The following GRID2 variants were observed in gnomAD, a reference collection of about 807,000 sequenced individuals.
GRID2 encodes the protein glutamate receptor ionotropic, delta-2.
GRID2 carries 33 observed loss-of-function variants against 114.8 expected under a neutral mutation model. The observed-to-expected ratio is 0.29, with a 90% CI of 0.22 to 0.38. The LOEUF (loss-of-function observed/expected upper bound fraction) is 0.38, where lower values mean the gene tolerates loss of function less well. GRID2 is among the 10% of genes least tolerant of loss of function. The pLI is 1.00. For missense variants in GRID2, 1,184 were observed against 1,257.7 expected, an observed-to-expected ratio of 0.94 and a Z score of 0.89; for synonymous variants, 505 against 449.9, an observed-to-expected ratio of 1.12 and a Z score of -1.55.
intron 8 of GRID2, among the ~76,000 whole-genome samples, chr4:93,255,890 A>G (rs1411045125): frequency 6.6e-6 from 1 of 152,076 alleles, no homozygotes; most frequent in Admixed American, 6.6e-5. Flanking sequence ...ACTAAGACAC[A>G]CTGTAAGTAC....
rs549856970 is a variant in GRID2, at chr4:92,483,867, G to C, written c.89-106264G>C. Among the ~76,000 whole-genome samples the C allele has an allele frequency of 8.5e-5, 13 of 152,294 alleles. No homozygotes were observed. The South Asian group carries it at 2.7e-3, about 32-fold the overall frequency. On this transcript the variant is annotated intron_variant, in intron 1 of 15. Coordinates refer to ENST00000282020, the MANE Select transcript of GRID2 (RefSeq NM_001510.4). ...CCTGTTGGTGTTTCCTGCCACACCT[G>C]ACAGTGTGGCAAATTAGCTTATACA... is the stretch of plus-strand genomic sequence containing the variant.
At chr4:92,509,974 AG>A (rs1419927149) in intron 1 of GRID2, among the ~76,000 whole-genome samples, 1 of 151,888 alleles carries the variant, frequency 6.6e-6, no homozygotes, top group East Asian at 2.0e-4. Context: ...AGACAACTAG[AG>A]TTTTTCAGCA....
intron 4 of GRID2, among the ~76,000 whole-genome samples, chr4:93,187,934 C>A (rs897704714): frequency 5.3e-5 from 8 of 152,208 alleles, no homozygotes; most frequent in African/African-American, 9.6e-5. Flanking sequence ...CATCGGGCCC[C>A]CAAGTTTCCA....
intron 2 of GRID2, among the ~76,000 whole-genome samples, chr4:92,704,231 T>C (rs1426424228): frequency 1.3e-5 from 2 of 152,098 alleles, no homozygotes; most frequent in African/African-American, 2.4e-5. Flanking sequence ...TGAGCCGAGA[T>C]CGCGCCACTG....
chr4:93,310,241 C>T (rs985144549), intron 8 of GRID2, among the ~76,000 whole-genome samples: 1 of 152,012 alleles, frequency 6.6e-6, no homozygotes, highest in Non-Finnish European at 1.5e-5. Context: ...AACACTGAGC[C>T]GGGCACAGTG....
intron 2 of GRID2, among the ~76,000 whole-genome samples, chr4:92,703,468 T>A (rs1225731068): frequency 6.6e-6 from 1 of 152,038 alleles, no homozygotes; most frequent in East Asian, 1.9e-4. Flanking sequence ...TTAAAGAACT[T>A]TTTTAATGTC....
At chr4:93,366,464 AC>A (rs1762346337) in intron 8 of GRID2, among the ~76,000 whole-genome samples, 1 of 151,898 alleles carries the variant, frequency 6.6e-6, no homozygotes, top group Admixed American at 6.6e-5. Flanking sequence ...ATCTCTCAAA[AC>A]CCTGTCTCCT....
At chr4:93,723,840 G>A (rs74577376) in intron 14 of GRID2, among the ~76,000 whole-genome samples, 8 of 152,184 alleles carry the variant, frequency 5.3e-5, no homozygotes, top group Non-Finnish European at 8.8e-5. Context: ...GAATCTTCTC[G>A]ATTTTTATTC....
At position 92,715,542 on chromosome 4, in the gene GRID2, C is replaced by CA. The variant is rs370093347; in HGVS notation, c.244+125265dup. Among the ~76,000 whole-genome samples, 36 of 150,558 alleles carry CA rather than the reference C, an allele frequency of 2.4e-4. No homozygotes were observed. The East Asian group carries it at 2.9e-3, about 12-fold the overall frequency. ...GACATACCCAAGACTGGGCAATTTACAAAAAAAAAGAGGTTTAATGGACTT... is the reference window on the plus strand; with the variant it reads ...GACATACCCAAGACTGGGCAATTTACAAAAAAAAAAGAGGTTTAATGGACTT... On this transcript the variant is annotated intron_variant, in intron 2 of 15. Transcript: ENST00000282020.
At chr4:92,754,931 T>C (rs1215372319) in intron 2 of GRID2, among the ~76,000 whole-genome samples, 2 of 152,258 alleles carry the variant, frequency 1.3e-5, no homozygotes, top group African/African-American at 2.4e-5. Flanking sequence ...AATATTCCTG[T>C]TAGCATCACT....
chr4:93,483,674 A>T (rs1726088314), intron 11 of GRID2, among the ~76,000 whole-genome samples: 1 of 152,062 alleles, frequency 6.6e-6, no homozygotes, highest in Non-Finnish European at 1.5e-5. Flanking sequence ...AAGCTAATGT[A>T]TACAGTAGCA....
intron 1 of GRID2, among the ~76,000 whole-genome samples, chr4:92,388,622 A>T (rs1404706010): frequency 6.6e-6 from 1 of 152,040 alleles, no homozygotes; most frequent in Non-Finnish European, 1.5e-5. Flanking sequence ...GTTCCTACTA[A>T]GAAATTCCAG....
intron 2 of GRID2, among the ~76,000 whole-genome samples, chr4:92,829,642 T>C (rs1741963452): frequency 6.6e-6 from 1 of 152,154 alleles, no homozygotes; most frequent in Non-Finnish European, 1.5e-5. Flanking sequence ...CATATGTTTA[T>C]TGCAGCACTA....
intron 2 of GRID2, among the ~76,000 whole-genome samples, chr4:92,923,680 A>T (rs1292343226): frequency 6.6e-6 from 1 of 152,216 alleles, no homozygotes; most frequent in African/African-American, 2.4e-5. Flanking sequence ...CTACTTTGGC[A>T]ATATAAAAGG....
chr4:92,999,036 G>A (rs1474237014), intron 2 of GRID2, among the ~76,000 whole-genome samples: 1 of 151,648 alleles, frequency 6.6e-6, no homozygotes. Flanking sequence ...GGTCCTTATT[G>A]TATTGGTGTC....
intron 2 of GRID2, among the ~76,000 whole-genome samples, chr4:93,001,374 G>C (rs1411881846): frequency 6.6e-6 from 1 of 151,618 alleles, no homozygotes; most frequent in East Asian, 1.9e-4. Flanking sequence ...AACAAGGAGA[G>C]AGGAACCAAG....
At chr4:92,922,667 A>C (rs529233801) in intron 2 of GRID2, among the ~76,000 whole-genome samples, 70 of 152,362 alleles carry the variant, frequency 4.6e-4, no homozygotes, top group Non-Finnish European at 8.4e-4. Flanking sequence ...ATACATCAGC[A>C]GGAGGATAAA....
chr4:92,933,279 T>C (rs1287885914), intron 2 of GRID2, among the ~76,000 whole-genome samples: 1 of 151,334 alleles, frequency 6.6e-6, no homozygotes, highest in Non-Finnish European at 1.5e-5. Context: ...TACATTATTT[T>C]AAGTGGTGTA....
At chr4:92,433,873 C>T (rs1274924023) in intron 1 of GRID2, among the ~76,000 whole-genome samples, 1 of 151,988 alleles carries the variant, frequency 6.6e-6, no homozygotes, top group Non-Finnish European at 1.5e-5. Context: ...AGATAACATA[C>T]ACATATTTAA....
Sources: allele counts gnomAD v4.1 joint callset (sites outside exome capture counted in the v4.1 genomes callset), GRCh38; gene constraint gnomAD v4.1.1; transcripts MANE v1.5; gene names NCBI Gene and HGNC (gene_info 2026-07-23, HGNC 2026-07-21).